Variants in CAMK1D observed in about 807,000 individuals in gnomAD.
CAMK1D encodes the protein calcium/calmodulin dependent protein kinase ID, also known as calcium/calmodulin-dependent protein kinase type 1D.
CAMK1D carries 9 observed loss-of-function variants against 47.7 expected under a neutral mutation model. That is an observed-to-expected ratio of 0.19 (90% CI 0.11 to 0.33). The LOEUF (loss-of-function observed/expected upper bound fraction) is 0.33. CAMK1D is among the 10% of genes least tolerant of loss of function. The pLI, the probability that CAMK1D is intolerant of heterozygous loss-of-function variation, is 1.00. For synonymous variants in CAMK1D, 184 were observed against 184.9 expected, an observed-to-expected ratio of 0.99 and a Z score of 0.04; for missense variants, 291 against 488.7, an observed-to-expected ratio of 0.60 and a Z score of 3.81.
intron 1 of CAMK1D, among the ~76,000 whole-genome samples, chr10:12,352,633 G>A (rs912755928): frequency 6.6e-6 from 1 of 151,002 alleles, no homozygotes; most frequent in Non-Finnish European, 1.5e-5. Context: ...AAATAAATGA[G>A]AAAACATAAT....
At chr10:12,394,895 A>T (rs2154248) in intron 1 of CAMK1D, among the ~76,000 whole-genome samples, 1 of 151,832 alleles carries the variant, frequency 6.6e-6, no homozygotes, top group African/African-American at 2.4e-5. Context: ...GTGTGGTGGC[A>T]GGCAGGAAAG....
At chr10:12,503,047 T>G (rs1469623042) in intron 1 of CAMK1D, among the ~76,000 whole-genome samples, 2 of 152,230 alleles carry the variant, frequency 1.3e-5, no homozygotes, top group Admixed American at 1.3e-4. Context: ...TGTGCATGTG[T>G]GTATACTTGT....
intron 1 of CAMK1D, among the ~76,000 whole-genome samples, chr10:12,517,339 TC>T: frequency 6.6e-6 from 1 of 152,356 alleles, no homozygotes; most frequent in South Asian, 2.1e-4. Flanking sequence ...ATATATTTTA[TC>T]CTTTTCAATC....
chr10:12,401,454 C>G (rs764231482), intron 1 of CAMK1D, among the ~76,000 whole-genome samples: 1 of 149,008 alleles, frequency 6.7e-6, no homozygotes, highest in East Asian at 2.0e-4. Context: ...GCTACTTAAT[C>G]AGTCTGAGCC....
At chr10:12,437,173 C>T (rs553940889) in intron 1 of CAMK1D, among the ~76,000 whole-genome samples, 166 of 151,014 alleles carry the variant, frequency 1.1e-3, no homozygotes, top group African/African-American at 3.9e-3. Context: ...TCTATCTGTC[C>T]ATCTGTCTGT....
chr10:12,363,175 A>C (rs1379640422), intron 1 of CAMK1D, among the ~76,000 whole-genome samples: 1 of 113,630 alleles, frequency 8.8e-6, no homozygotes. Flanking sequence ...TCTTGATCTC[A>C]CATGATCCGC....
intron 3 of CAMK1D, among the ~76,000 whole-genome samples, chr10:12,716,725 A>T (rs1834150582): frequency 6.6e-6 from 1 of 152,150 alleles, no homozygotes; most frequent in Non-Finnish European, 1.5e-5. Context: ...GTGGGCCTGG[A>T]ACACTGGCTG....
chr10:12,516,984 T>A (rs1490698141), intron 1 of CAMK1D, among the ~76,000 whole-genome samples: 1 of 152,198 alleles, frequency 6.6e-6, no homozygotes, highest in African/African-American at 2.4e-5. Flanking sequence ...AAAACTAATA[T>A]CTTTGTAGTA....
chr10:12,646,709 A>G (rs1367424701), intron 2 of CAMK1D, among the ~76,000 whole-genome samples: 2 of 152,226 alleles, frequency 1.3e-5, no homozygotes, highest in Non-Finnish European at 2.9e-5. Flanking sequence ...GATAGTAATT[A>G]CCAAAAACAC....
At chr10:12,751,624 G>A (rs1002434074) in intron 3 of CAMK1D, among the ~76,000 whole-genome samples, 7 of 152,226 alleles carry the variant, frequency 4.6e-5, no homozygotes, top group Admixed American at 2.0e-4. Context: ...TGTGCAGAAA[G>A]ACAGGTGCTA....
chr10:12,729,468 T>G (rs902742589), intron 3 of CAMK1D, among the ~76,000 whole-genome samples: 1 of 152,010 alleles, frequency 6.6e-6, no homozygotes, highest in African/African-American at 2.4e-5. Context: ...AGACCTCGTC[T>G]CTACAGAATT....
At chr10:12,708,575 C>T (rs760533392) in intron 3 of CAMK1D, among the ~76,000 whole-genome samples, 5 of 152,216 alleles carry the variant, frequency 3.3e-5, no homozygotes, top group African/African-American at 4.8e-5. Flanking sequence ...AAGCTTCAGA[C>T]GGCCTCAGCA....
At chr10:12,735,779 G>A (rs1482577661) in intron 3 of CAMK1D, among the ~76,000 whole-genome samples, 1 of 70,474 alleles carries the variant, frequency 1.4e-5, no homozygotes, top group Non-Finnish European at 3.2e-5. Flanking sequence ...GGCACAGTCA[G>A]CATCTTTTTT....
intron 1 of CAMK1D, among the ~76,000 whole-genome samples, chr10:12,536,011 A>G (rs1333589747): frequency 6.6e-6 from 1 of 152,168 alleles, no homozygotes; most frequent in Admixed American, 6.5e-5. Flanking sequence ...GACTTTGCAT[A>G]GGGAGCTGGG....
intron 1 of CAMK1D, among the ~76,000 whole-genome samples, chr10:12,489,406 A>G (rs928312717): frequency 2.0e-5 from 3 of 152,332 alleles, no homozygotes; most frequent in Admixed American, 6.5e-5. Context: ...AAGGATCTCA[A>G]ACATCCTGGA....
At chr10:12,711,226 G>A (rs531817857) in intron 3 of CAMK1D, among the ~76,000 whole-genome samples, 1 of 152,326 alleles carries the variant, frequency 6.6e-6, no homozygotes, top group South Asian at 2.1e-4. Flanking sequence ...TTGTTTCTGA[G>A]GAATCCAAGA....
intron 6 of CAMK1D, among the ~76,000 whole-genome samples, chr10:12,806,481 A>G (rs78381291): frequency 0.023 from 3,534 of 152,296 alleles, 54 homozygotes; most frequent in Non-Finnish European, 0.036. Flanking sequence ...GCCTTCCTGC[A>G]GCAGCTGTGG....
chr10:12,816,872 CA>C (rs71386122), intron 8 of CAMK1D, among the ~76,000 whole-genome samples: 2,028 of 57,406 alleles, frequency 0.035, 37 homozygotes, highest in African/African-American at 0.084. Flanking sequence ...AACTCTGTCT[CA>C]AAAAAAAAAA....
intron 6 of CAMK1D, among the ~76,000 whole-genome samples, chr10:12,795,274 C>T (rs142227546): frequency 6.6e-6 from 1 of 152,322 alleles, no homozygotes; most frequent in East Asian, 1.9e-4. Flanking sequence ...TATCCTCTGA[C>T]TGTTCTGTAG....
Sources: gnomAD v4.1 joint callset for allele counts (sites outside exome capture counted in the v4.1 genomes callset) on GRCh38, gnomAD v4.1.1 for gene constraint, MANE v1.5 for transcripts, NCBI Gene and HGNC (gene_info 2026-07-23, HGNC 2026-07-21) for gene names.